FUS: variants seen among roughly 807,000 people sequenced by gnomAD.
FUS encodes FUS RNA binding protein.
Under a neutral mutation model 82.7 loss-of-function variants are expected in FUS, and 5 were observed. The ratio of observed to expected loss-of-function variants is 0.06; its 90% CI spans 0.03 to 0.13. FUS has a LOEUF of 0.13. Ranked by LOEUF, FUS falls within the 10% of genes least tolerant of loss-of-function variation. FUS has a pLI of 1.00. For synonymous variants in FUS, 281 were observed against 247.4 expected (o/e 1.14, Z -1.27); for missense variants, 512 against 707.8 (o/e 0.72, Z 3.14).
downstream of FUS, chr16:31,192,728 G>GC (rs2079377957): frequency 2.1e-6 from 1 of 481,224 alleles, no homozygotes; most frequent in Non-Finnish European, 4.1e-6. Context: ...GGGCCACCAT[G>GC]CCCACCTAGT....
intron 11 of FUS, 29 bp from the exon 12 acceptor site, chr16:31,190,246 C>T (rs2144135131): frequency 6.2e-7 from 1 of 1,614,042 alleles, no homozygotes; most frequent in Non-Finnish European, 8.5e-7. Context: ...GGAGAGGGAG[C>T]AGACCCATAC....
At chr16:31,187,306 A>G (rs150172554) in intron 7 of FUS, 41 of 277,638 alleles carry the variant, frequency 1.5e-4, no homozygotes, top group Non-Finnish European at 2.6e-4. Flanking sequence ...GTTGGTATAC[A>G]TTTATAAAGT....
intron 7 of FUS, chr16:31,188,024 C>T: frequency 2.0e-6 from 1 of 488,440 alleles, no homozygotes; most frequent in African/African-American, 1.9e-5. Context: ...CTCCGTTTCC[C>T]CTGCCACCTG....
At chr16:31,184,122 G>A (rs2079222902) in intron 4 of FUS, 87 bp from the exon 5 acceptor site, 3 of 1,613,196 alleles carry the variant, frequency 1.9e-6, no homozygotes, top group Non-Finnish European at 2.5e-6. Context: ...GCCTGTGTTG[G>A]GTACAGAGAA....
chr16:31,193,979 C>A (rs931884934), downstream of FUS: 2 of 532,414 alleles, frequency 3.8e-6, no homozygotes, highest in African/African-American at 3.7e-5. Context: ...TGATTGAAAT[C>A]TGTCTTGAAG....
At chr16:31,185,650 C>T (rs2144117289) in intron 6 of FUS, 4 of 475,182 alleles carry the variant, frequency 8.4e-6, no homozygotes, top group Non-Finnish European at 1.7e-5. Flanking sequence ...TTTCTATAGT[C>T]ATTTGAATCC....
chr16:31,190,272 T>C lies in FUS; in HGVS notation c.1169-3T>C. The C allele has an allele frequency of 6.2e-7, 1 of 1,614,044 alleles. No individual in the cohort carries two copies. Among genetic ancestry groups the C allele is most frequent in the South Asian group, 1.1e-5 (1 of 91,066 alleles). ...AGACCCATACTTGGTCTATCTGCAT[T>C]AGGACCCATGGGCCGTGGAGGCTAT... On this transcript the variant is annotated splice_region_variant and splice_polypyrimidine_tract_variant and intron_variant, in intron 11 of 14. Coordinates refer to ENST00000254108, the MANE Select transcript of FUS (RefSeq NM_004960.4).
intron 3 of FUS, 64 bp downstream of exon 3, chr16:31,182,728 T>G (rs753434263): frequency 6.2e-7 from 1 of 1,605,488 alleles, no homozygotes; most frequent in Non-Finnish European, 8.5e-7. Context: ...CTTTTTCTTG[T>G]TTTTTGGAGA....
chr16:31,185,073 G>A lies in FUS; in HGVS notation c.658G>A (p.Gly220Ser). The A allele has an allele frequency of 6.2e-7, 1 of 1,610,368 alleles. No homozygotes were observed. The highest frequency in any genetic ancestry group is 8.5e-7 in the Non-Finnish European group (1 of 1,178,294). The change falls in exon 6 of 15, where the codon GGC becomes AGC. Residue 220 changes from glycine to serine, a missense_variant. By Grantham distance (56) the Gly-to-Ser change is moderately conservative. Around this residue, in one of 6 missense-constraint regions of FUS, gnomAD observed 276 missense variants for 303.3 expected, o/e 0.91. Coordinates refer to ENST00000254108, the MANE Select transcript of FUS (RefSeq NM_004960.4). ...QQDRGGRGRG[G>S]SGGGGGGGGG... ...GGACCGTGGAGGCCGCGGCAGGGGT[G>A]GCAGTGGTGGCGGCGGCGGCGGCGG...
chr16:31,183,226 A>G (rs1596891823), intron 3 of FUS: 2 of 177,270 alleles, frequency 1.1e-5, no homozygotes, highest in Admixed American at 5.4e-5. Context: ...GTGCCTGTGA[A>G]CAGCCACTGC....
chr16:31,181,244 GA>G (rs2079172849), intron 1 of FUS, among the ~76,000 whole-genome samples: 1 of 152,192 alleles, frequency 6.6e-6, no homozygotes, highest in South Asian at 2.1e-4. Context: ...GATAGGGACG[GA>G]GAAGAACGGC....
chr16:31,194,805 A>G (rs1315044060), downstream of FUS: 1 of 479,956 alleles, frequency 2.1e-6, no homozygotes, highest in Non-Finnish European at 4.1e-6. Context: ...GAGGTTGCAA[A>G]TGTTTTGTGA....
chr16:31,187,405 A>G (rs2079286709), intron 7 of FUS: 1 of 236,650 alleles, frequency 4.2e-6, no homozygotes, highest in Non-Finnish European at 8.4e-6. Context: ...GAACATGTGC[A>G]CTACTTCAAG....
chr16:31,193,500 C>T (rs1441900671), downstream of FUS: 3 of 529,014 alleles, frequency 5.7e-6, no homozygotes, highest in Admixed American at 6.7e-5. Flanking sequence ...GGTTGTGGTC[C>T]CCTGATGCCC....
chr16:31,184,262 A>G lies in FUS; in HGVS notation c.389A>G (p.Tyr130Cys). The G allele has an allele frequency of 1.2e-6, 2 of 1,614,128 alleles. No individual in the cohort carries two copies. Among genetic ancestry groups the G allele is most frequent in the Non-Finnish European group, 1.7e-6 (2 of 1,179,994 alleles). The change falls in exon 5 of 15, where the codon TAC becomes TGC. Residue 130 changes from tyrosine (Y) to cysteine (C), a missense_variant. Physicochemically the swap from Tyr to Cys is radical, Grantham distance 194. Around this residue, in one of 6 missense-constraint regions of FUS, gnomAD observed 276 missense variants for 303.3 expected, o/e 0.91. Transcript: ENST00000254108. Reference sequence around the variant, plus strand: ...TATGGGCAGCCCCAGAGTGGGAGCTACAGCCAGCAGCCTAGCTATGGTGGA... The same window carrying G: ...TATGGGCAGCCCCAGAGTGGGAGCTGCAGCCAGCAGCCTAGCTATGGTGGA... ...SSYGQPQSGSYSQQPSYGGQQ... is the reference protein window; with the variant it reads ...SSYGQPQSGSCSQQPSYGGQQ...
downstream of FUS, chr16:31,192,143 T>TA (rs1274409568): frequency 3.8e-6 from 2 of 529,700 alleles, no homozygotes; most frequent in East Asian, 4.0e-5. Context: ...CTTGGGTAGA[T>TA]ACCTGCTATA....
In FUS at chr16:31,184,371, TGGTGGAGGTGGAGGTGGA is replaced by T; in HGVS notation, c.509_523+3del. 1.2e-6 allele frequency: 2 copies of T among 1,612,950 alleles called. No homozygotes were observed. Among genetic ancestry groups the T allele is most frequent in the Non-Finnish European group, 1.7e-6 (2 of 1,179,732 alleles). On this transcript the variant is annotated inframe_deletion, in exon 5 of 15. Coordinates refer to ENST00000254108, the MANE Select transcript of FUS (RefSeq NM_004960.4). The stretch of plus-strand genomic sequence containing the variant: ...AGAACCAGTACAACAGCAGCAGTGG[TGGTGGAGGTGGAGGTGGA>T]GGTGGAGGTGAGATGTCTTCAGCTT...
In FUS at chr16:31,191,444, C is replaced by T. The variant is rs1356356966; in HGVS notation, c.*6C>T. 8 of 1,613,502 alleles carry T rather than the reference C, an allele frequency of 5.0e-6. No homozygotes were observed. The highest frequency in any genetic ancestry group is 6.8e-6 in the Non-Finnish European group (8 of 1,179,852). On this transcript the variant is annotated 3_prime_UTR_variant, in exon 15 of 15. Coordinates refer to ENST00000254108, the MANE Select transcript of FUS (RefSeq NM_004960.4). ...GCAGGGAGAGGCCGTATTAATTAGC[C>T]TGGCTCCCCAGGTTCTGGAACAGCT...
chr16:31,191,872 T>G (rs1052368305), downstream of FUS: 1 of 544,180 alleles, frequency 1.8e-6, no homozygotes, highest in Non-Finnish European at 3.5e-6. Context: ...TTACCACATT[T>G]ATTTGCATAC....
Sources: gnomAD v4.1 joint callset for allele counts (sites outside exome capture counted in the v4.1 genomes callset) on GRCh38, gnomAD v4.1.1 for gene constraint, gnomAD v4.1.1 regional missense constraint, MANE v1.5 for transcripts, NCBI Gene and HGNC (gene_info 2026-07-23, HGNC 2026-07-21) for gene names.